Variants in UHRF2 observed in about 807,000 individuals in gnomAD.
UHRF2 encodes the protein ubiquitin like with PHD and ring finger domains 2.
In UHRF2, 23 loss-of-function variants were observed where a neutral mutation model predicts 96.8. That is an observed-to-expected ratio of 0.24 (90% confidence interval 0.17 to 0.34). The LOEUF (loss-of-function observed/expected upper bound fraction) is 0.34. Among genes scored for constraint, UHRF2 ranks in the 10% least tolerant of loss-of-function variants. The pLI is 1.00. For missense variants in UHRF2, 685 were observed against 981.5 expected, an observed-to-expected ratio of 0.70 and a Z score of 4.04; for synonymous variants, 385 against 332.6, an observed-to-expected ratio of 1.16 and a Z score of -1.72.
chr9:6,475,554 T>TC, intron 5 of UHRF2, 54 bp downstream of exon 5: 1 of 985,084 alleles, frequency 1.0e-6, no homozygotes, highest in Non-Finnish European at 1.5e-6. Flanking sequence ...TGATTGAACT[T>TC]TATTTTTACT....
intron 15 of UHRF2, among the ~76,000 whole-genome samples, chr9:6,505,735 C>G (rs1453342120): frequency 1.3e-5 from 2 of 152,182 alleles, no homozygotes; most frequent in African/African-American, 2.4e-5. Flanking sequence ...GAAATCTAAC[C>G]CAGAAGATTA....
chr9:6,482,268 C>T (rs767539755), intron 8 of UHRF2, among the ~76,000 whole-genome samples, 169 bp downstream of exon 8: 2 of 152,176 alleles, frequency 1.3e-5, no homozygotes, highest in Non-Finnish European at 2.9e-5. Flanking sequence ...AAGGAACATA[C>T]ATCACAGAAT....
chr9:6,433,335 C>T (rs749047434), intron 2 of UHRF2, among the ~76,000 whole-genome samples: 21 of 152,028 alleles, frequency 1.4e-4, no homozygotes, highest in Non-Finnish European at 1.8e-4. Flanking sequence ...TATCTTTGTT[C>T]TTTGAGGTGG....
At chr9:6,463,276 C>T (rs922795075) in intron 4 of UHRF2, among the ~76,000 whole-genome samples, 8 of 54,502 alleles carry the variant, frequency 1.5e-4, no homozygotes, top group Non-Finnish European at 2.1e-4. Flanking sequence ...AGTGAAACTT[C>T]GTCTCAATAA....
At chr9:6,430,267 C>A (rs188540070) in intron 2 of UHRF2, among the ~76,000 whole-genome samples, 1 of 152,326 alleles carries the variant, frequency 6.6e-6, no homozygotes, top group African/African-American at 2.4e-5. Context: ...ACCCTGGCCC[C>A]CTAAACTGCT....
chr9:6,460,802 C>G lies in UHRF2; in HGVS notation c.863+11C>G, dbSNP rs139826797. 51 of 1,604,772 alleles carry G rather than the reference C, an allele frequency of 3.2e-5. No homozygotes were observed. The African/African-American group carries it at 6.3e-4, about 20-fold the overall frequency. On this transcript the variant is annotated intron_variant, in intron 4 of 15. Transcript: ENST00000276893. Reference sequence around the variant, plus strand: ...GAAAATTTTCCTGGGGTAAGATTGTCTTCACTGGTGCCATTTAATTAACTG... The same window carrying G: ...GAAAATTTTCCTGGGGTAAGATTGTGTTCACTGGTGCCATTTAATTAACTG...
chr9:6,506,890 G>A lies in UHRF2; in HGVS notation c.*711G>A, dbSNP rs1816611894. 1 of 152,628 alleles carries A rather than the reference G, an allele frequency of 6.6e-6. No homozygotes were observed. Among genetic ancestry groups the A allele is most frequent in the African/African-American group, 2.4e-5 (1 of 41,456 alleles). 9.5% of individuals were successfully genotyped at this position (152,628 alleles called of 1,614,324 possible). On this transcript the variant is annotated 3_prime_UTR_variant, in exon 16 of 16. Coordinates refer to ENST00000276893, the MANE Select transcript of UHRF2 (RefSeq NM_152896.3). The stretch of plus-strand genomic sequence containing the variant: ...TTCATGAAAATCCACTTCTCTACTA[G>A]TCGAACTGCTTTTAGTGTCTCACCA...
chr9:6,481,466 C>T (rs931926302), intron 6 of UHRF2, among the ~76,000 whole-genome samples, 177 bp from the exon 7 acceptor site: 12 of 152,140 alleles, frequency 7.9e-5, no homozygotes. Context: ...ATTTTTAAAG[C>T]CAGCCTAACC....
intron 8 of UHRF2, 45 bp downstream of exon 8, chr9:6,482,144 C>A: frequency 2.1e-6 from 3 of 1,434,690 alleles, no homozygotes; most frequent in Non-Finnish European, 2.9e-6. Flanking sequence ...AATTGGCTAT[C>A]AGATTATAGC....
chr9:6,451,920 T>G (rs927420920), intron 3 of UHRF2, among the ~76,000 whole-genome samples: 2 of 152,098 alleles, frequency 1.3e-5, no homozygotes, highest in African/African-American at 4.8e-5. Flanking sequence ...ACCTAGTTTT[T>G]TAAGTAACAA....
At chr9:6,490,489 G>T (rs141305708) in intron 9 of UHRF2, among the ~76,000 whole-genome samples, 4 of 152,130 alleles carry the variant, frequency 2.6e-5, no homozygotes, top group Non-Finnish European at 2.9e-5. Context: ...TTACCCAGGC[G>T]TGGTGATGCA....
intron 6 of UHRF2, among the ~76,000 whole-genome samples, chr9:6,480,150 A>G (rs1823837546): frequency 6.6e-6 from 1 of 152,154 alleles, no homozygotes; most frequent in African/African-American, 2.4e-5. Flanking sequence ...GTCTTCCTCA[A>G]AGCATACCAT....
At chr9:6,447,674 G>A (rs1821600329) in intron 3 of UHRF2, among the ~76,000 whole-genome samples, 2 of 152,050 alleles carry the variant, frequency 1.3e-5, no homozygotes, top group African/African-American at 4.8e-5. Flanking sequence ...CATCCTAGAA[G>A]ACAGTAAAAT....
intron 6 of UHRF2, among the ~76,000 whole-genome samples, chr9:6,478,067 G>T (rs2130900168): frequency 6.6e-6 from 1 of 152,264 alleles, no homozygotes; most frequent in Non-Finnish European, 1.5e-5. Context: ...ATCTGATCAT[G>T]TTGCTTTGTT....
chr9:6,480,315 G>T (rs752250723), intron 6 of UHRF2, among the ~76,000 whole-genome samples: 2 of 152,142 alleles, frequency 1.3e-5, no homozygotes, highest in African/African-American at 4.8e-5. Flanking sequence ...AATTCTTTCC[G>T]TATATGTTCT....
At chr9:6,445,789 C>T (rs566230797) in intron 3 of UHRF2, among the ~76,000 whole-genome samples, 12 of 152,198 alleles carry the variant, frequency 7.9e-5, no homozygotes, top group Non-Finnish European at 1.0e-4. Flanking sequence ...ATCTCAAACT[C>T]CTGGGCTCAA....
chr9:6,421,097 A>C lies in UHRF2; in HGVS notation c.339A>C (p.Thr113=). ...TAGGACCTTCCAATCAGCCATCTAC[A>C]TCAGCTCGTGCCCGTCTTATTGATC... is the stretch of plus-strand genomic sequence containing the variant. ...PRVGPSNQPS[T]SARARLIDPG... is the part of the protein sequence containing the mutation. The change falls in exon 2 of 16, where the codon ACA becomes ACC. Residue 113 remains threonine (T), a synonymous_variant. Transcript: ENST00000276893. 1 of 1,614,136 alleles carries C rather than the reference A, an allele frequency of 6.2e-7. No homozygotes were observed. Among genetic ancestry groups the C allele is most frequent in the Non-Finnish European group, 8.5e-7 (1 of 1,180,026 alleles).
At chr9:6,457,719 G>A (rs1344446837) in intron 3 of UHRF2, among the ~76,000 whole-genome samples, 8 of 151,956 alleles carry the variant, frequency 5.3e-5, no homozygotes, top group African/African-American at 1.9e-4. Context: ...AGCATGAAGG[G>A]GTTGAATTTT....
chr9:6,463,253 C>G (rs1822657165), intron 4 of UHRF2, among the ~76,000 whole-genome samples: 1 of 150,182 alleles, frequency 6.7e-6, no homozygotes, highest in African/African-American at 2.5e-5. Flanking sequence ...TGCACTCCAG[C>G]CTGGGCAACA....
Sources: gnomAD v4.1 joint callset for allele counts (sites outside exome capture counted in the v4.1 genomes callset) on GRCh38, gnomAD v4.1.1 for gene constraint, MANE v1.5 for transcripts, NCBI Gene and HGNC (gene_info 2026-07-23, HGNC 2026-07-21) for gene names.